OGFOD3: variants seen among roughly 807,000 people sequenced by gnomAD.
The protein encoded by OGFOD3 is 2-oxoglutarate and iron dependent oxygenase domain containing 3.
Under a neutral mutation model 39.8 loss-of-function variants are expected in OGFOD3, and 35 were observed. That is an observed-to-expected ratio of 0.88 (90% CI 0.67 to 1.17). The LOEUF (loss-of-function observed/expected upper bound fraction) is 1.17. Among genes scored for constraint, OGFOD3 ranks in the 50% most tolerant of loss-of-function variants. OGFOD3 has a pLI of 0.00. For missense variants in OGFOD3, 438 were observed against 454.5 expected (o/e 0.96, Z 0.33); for synonymous variants, 200 against 192.0 (o/e 1.04, Z -0.34).
Position 82,404,061 on chromosome 17 carries a change from A to G in OGFOD3, c.575T>C (p.Ile192Thr). Residue 192 changes from isoleucine to threonine, a missense_variant, in exon 7 of 9, where the codon ATT (isoleucine) becomes ACT (threonine). Physicochemically the swap from Ile to Thr is moderately conservative, Grantham distance 89. Transcript: ENST00000313056. This position sits in a 1 kb window ranked among gnomAD's most constrained non-coding sequence, Gnocchi z 4.5. ...REVRQKVQLTIAEAFGISASS... is the reference protein window; with the variant it reads ...REVRQKVQLTTAEAFGISASS... ...TGCGCTGATGCCAAAAGCCTCAGCA[A>G]TGGTGAGCTGGACCTTCTGCCGCAC... 6.2e-7 allele frequency: 1 copy of G among 1,607,144 alleles called. No homozygotes were observed.
Position 82,405,374 on chromosome 17 carries a change from G to C in OGFOD3, c.495C>G (p.Phe165Leu). 1 of 1,613,458 alleles carries C rather than the reference G, an allele frequency of 6.2e-7. No homozygotes were observed. Among genetic ancestry groups the C allele is most frequent in the Non-Finnish European group, 8.5e-7 (1 of 1,179,400 alleles). The change falls in exon 6 of 9, where the codon TTC becomes TTG. Residue 165 changes from phenylalanine (F) to leucine (L), a missense_variant. Physicochemically the swap from Phe to Leu is conservative, Grantham distance 22. Coordinates refer to ENST00000313056, the MANE Select transcript of OGFOD3 (RefSeq NM_024648.3). ...AGAAGATGTTCTGTATTTTATCCCC[G>C]AAGTATCTGTGAAAAAAGGAGTATT... ...GKHFVNLYRY[F>L]GDKIQNIFSE...
intron 8 of OGFOD3, among the ~76,000 whole-genome samples, chr17:82,397,837 C>G (rs12603802): frequency 6.6e-6 from 1 of 151,678 alleles, no homozygotes; most frequent in Non-Finnish European, 1.5e-5. Context: ...TCTTAGGTTG[C>G]GAGTCTCTTT....
chr17:82,394,520 A>G (rs760598156), intron 8 of OGFOD3: 1 of 1,612,380 alleles, frequency 6.2e-7, no homozygotes, highest in Non-Finnish European at 8.5e-7. Context: ...AACCCACAAG[A>G]CATCATCCGG....
intron 7 of OGFOD3, among the ~76,000 whole-genome samples, chr17:82,402,932 G>A (rs1444529131): frequency 6.6e-6 from 1 of 152,004 alleles, no homozygotes; most frequent in Non-Finnish European, 1.5e-5. Flanking sequence ...ACGCACCTGT[G>A]GTCCCAGCTA....
chr17:82,412,898 T>C (rs1334642880), intron 2 of OGFOD3, among the ~76,000 whole-genome samples: 1 of 152,072 alleles, frequency 6.6e-6, no homozygotes, highest in Non-Finnish European at 1.5e-5. Flanking sequence ...ACGTGGAGCA[T>C]CCCTCCCGGG....
chr17:82,409,766 G>A (rs1373309270), intron 3 of OGFOD3, among the ~76,000 whole-genome samples: 1 of 152,132 alleles, frequency 6.6e-6, no homozygotes, highest in Non-Finnish European at 1.5e-5. Context: ...GTGATGGCAG[G>A]TGCCTGTAAT....
chr17:82,392,500 G>T lies in OGFOD3; in HGVS notation c.858C>A (p.Asn286Lys). The T allele has an allele frequency of 1.2e-6, 2 of 1,600,982 alleles. No individual in the cohort carries two copies. Among genetic ancestry groups the T allele is most frequent in the Non-Finnish European group, 1.7e-6 (2 of 1,174,738 alleles). ...RVSFFTSGSE[N>K]LHRVEKVHWG... is the part of the protein sequence containing the mutation. ...AGTGGACCTTCTCCACGCGGTGTAG[G>T]TTCTCGGACCCCGAGGTGAAGAAGG... The change falls in exon 9 of 9, where the codon AAC becomes AAA. Residue 286 changes from asparagine to lysine, a missense_variant. Transcript: ENST00000313056. The surrounding 1 kb of genome is among the most constrained non-coding windows in gnomAD (Gnocchi z 4.2).
Position 82,403,845 on chromosome 17 carries a change from G to A in OGFOD3, c.699+92C>T, listed in dbSNP as rs1452183728. 27 of 1,468,230 alleles carry A rather than the reference G, an allele frequency of 1.8e-5. No homozygotes were observed. The Admixed American group carries it at 2.4e-4, about 13-fold the overall frequency. 91.0% of individuals were successfully genotyped at this position (1,468,230 alleles called of 1,614,324 possible). A position where few individuals can be genotyped will look rare whatever the true frequency, so the allele number is the denominator to read the frequency against. ...GGGCACGCTCACCTTGTCCACGAGC[G>A]CGCTCACCCTGCCCACGTGCGCACT... On this transcript the variant is annotated intron_variant, in intron 7 of 8. Transcript: ENST00000313056.
intron 7 of OGFOD3, among the ~76,000 whole-genome samples, chr17:82,402,914 G>A (rs750465135): frequency 5.9e-5 from 9 of 152,134 alleles, no homozygotes; most frequent in Non-Finnish European, 8.8e-5. Flanking sequence ...CGAGCCAGGC[G>A]TCGGGGCACG....
chr17:82,416,267 C>T (rs186406495), intron 1 of OGFOD3, among the ~76,000 whole-genome samples: 1 of 152,294 alleles, frequency 6.6e-6, no homozygotes, highest in Admixed American at 6.5e-5. Context: ...AACAAACACA[C>T]ACCACTTTAA....
At chr17:82,399,481 C>T (rs527575861) in intron 7 of OGFOD3, among the ~76,000 whole-genome samples, 1 of 152,352 alleles carries the variant, frequency 6.6e-6, no homozygotes, top group East Asian at 1.9e-4. Flanking sequence ...TAAGATTTTC[C>T]AGCTTAACTG....
chr17:82,418,249 T>A (rs984984538), intron 1 of OGFOD3, 163 bp downstream of exon 1: 4 of 398,428 alleles, frequency 1.0e-5, no homozygotes, highest in Non-Finnish European at 1.3e-5. Context: ...GCTCCCAGCA[T>A]GGGCTGCGGT....
At position 82,401,803 on chromosome 17, in the gene OGFOD3, C is replaced by CAAAAAAAAAAAAAAAAAAAA. The variant is rs79956747; in HGVS notation, c.699+2114_699+2133dup. Among the ~76,000 whole-genome samples, 273 of 61,622 alleles carry CAAAAAAAAAAAAAAAAAAAA rather than the reference C, an allele frequency of 4.4e-3. 7 individuals are homozygous for CAAAAAAAAAAAAAAAAAAAA. Among genetic ancestry groups the CAAAAAAAAAAAAAAAAAAAA allele is most frequent in the Non-Finnish European group, 5.4e-3 (200 of 37,306 alleles). The allele number at this position is 61,622 out of a possible 152,430, so 40.4% of individuals were successfully genotyped here. A position where few individuals can be genotyped will look rare whatever the true frequency, so the allele number is the denominator to read the frequency against. ...TGGGTGGCAGAGCAAGACTCCATCT[C>CAAAAAAAAAAAAAAAAAAAA]AAAAAAAAAAAAAAAAAAAACAAAG... is the stretch of plus-strand genomic sequence containing the variant. On this transcript the variant is annotated intron_variant, in intron 7 of 8. Transcript: ENST00000313056.
Position 82,403,980 on chromosome 17 carries a change from G to C in OGFOD3, c.656C>G (p.Ala219Gly), listed in dbSNP as rs369992768. Reference protein sequence around the residue: ...TFFSRINSTEARTAHDEYWHA... With the variant: ...TFFSRINSTEGRTAHDEYWHA... ...CCAGTACTCGTCGTGCGCCGTCCGC[G>C]CTTCCGTGCTGTTTATGCGGGAGAA... The change falls in exon 7 of 9, where the codon GCG becomes GGG. Residue 219 changes from alanine (A) to glycine (G), a missense_variant. Coordinates refer to ENST00000313056, the MANE Select transcript of OGFOD3 (RefSeq NM_024648.3). 9.3e-6 allele frequency: 15 copies of C among 1,609,554 alleles called. No individual in the cohort carries two copies. Among genetic ancestry groups the C allele is most frequent in the Non-Finnish European group, 1.2e-5 (14 of 1,178,504 alleles).
chr17:82,402,266 C>T (rs1004471508), intron 7 of OGFOD3, among the ~76,000 whole-genome samples: 1 of 151,712 alleles, frequency 6.6e-6, no homozygotes, highest in Non-Finnish European at 1.5e-5. Flanking sequence ...GAAACCCTGT[C>T]TCTAATAAAA....
Position 82,418,476 on chromosome 17 carries a change from G to T in OGFOD3, c.10C>A (p.Gln4Lys). ...GGCGCCTTGGTTGCGGCCCTCCGCT[G>T]AGGAGCCATCGGACCAGGCCGCCGC... The part of the protein sequence containing the change: MAP[Q>K]RRAATKAPEG... Residue 4 changes from glutamine (Q) to lysine (K), a missense_variant, in exon 1 of 9, where the codon CAG becomes AAG. Coordinates refer to ENST00000313056, the MANE Select transcript of OGFOD3 (RefSeq NM_024648.3). 1.4e-6 allele frequency: 2 copies of T among 1,465,350 alleles called. No individual in the cohort carries two copies. The highest frequency in any genetic ancestry group is 1.3e-5 in the South Asian group (1 of 77,510). 90.8% of individuals were successfully genotyped at this position (1,465,350 alleles called of 1,614,324 possible). A position where few individuals can be genotyped will look rare whatever the true frequency, so the allele number is the denominator to read the frequency against.
At chr17:82,403,832 C>T (rs1471474060) in intron 7 of OGFOD3, 105 bp downstream of exon 7, 1 of 1,469,292 alleles carries the variant, frequency 6.8e-7, no homozygotes, top group South Asian at 1.2e-5. Context: ...GCACGCTCAC[C>T]TTGTCCACGA....
At chr17:82,409,476 C>T (rs1425137078) in intron 3 of OGFOD3, 66 bp from the exon 4 acceptor site, 12 of 1,473,010 alleles carry the variant, frequency 8.1e-6, no homozygotes, top group South Asian at 1.1e-5. Flanking sequence ...TCTAGGCAAA[C>T]GTCAATCAGC....
chr17:82,405,536 C>G (rs2052841760), intron 5 of OGFOD3, among the ~76,000 whole-genome samples, 156 bp from the exon 6 acceptor site: 1 of 152,220 alleles, frequency 6.6e-6, no homozygotes, highest in African/African-American at 2.4e-5. Context: ...GGAGCCGGGC[C>G]GGGCGCAGTG....
Sources: allele counts gnomAD v4.1 joint callset (sites outside exome capture counted in the v4.1 genomes callset), GRCh38; gene constraint gnomAD v4.1.1; non-coding constraint Gnocchi (gnomAD v3.1); transcripts MANE v1.5; gene names NCBI Gene and HGNC (gene_info 2026-07-23, HGNC 2026-07-21).